Variants in PLPP3 observed in about 807,000 individuals in gnomAD.
The protein encoded by PLPP3 is PAP2 beta.
In PLPP3, 6 loss-of-function variants were observed where a neutral mutation model predicts 29.6. The observed-to-expected ratio is 0.20, with a 90% confidence interval of 0.11 to 0.40. The LOEUF is 0.40. PLPP3 is among the 10% of genes least tolerant of loss of function. The pLI, the probability that PLPP3 is intolerant of heterozygous loss-of-function variation, is 1.00. For synonymous variants in PLPP3, 152 were observed against 159.7 expected (o/e 0.95, Z 0.36); for missense variants, 308 against 407.7 (o/e 0.76, Z 2.11).
chr1:56,521,961 T>C (rs1645822558), intron 4 of PLPP3, among the ~76,000 whole-genome samples: 1 of 152,204 alleles, frequency 6.6e-6, no homozygotes, highest in Non-Finnish European at 1.5e-5. Context: ...ACAGGTCTCC[T>C]TCAGGCAAAA....
intron 1 of PLPP3, among the ~76,000 whole-genome samples, chr1:56,538,276 A>G (rs559916043): frequency 1.1e-4 from 16 of 152,268 alleles, no homozygotes; most frequent in African/African-American, 3.6e-4. Context: ...GATTCATGCT[A>G]TTCTCTTAGA....
At chr1:56,503,385 A>G (rs1409922626) in intron 5 of PLPP3, among the ~76,000 whole-genome samples, 1 of 152,082 alleles carries the variant, frequency 6.6e-6, no homozygotes, top group Non-Finnish European at 1.5e-5. Flanking sequence ...TTTGTGTGGA[A>G]ATGTTATTTT....
chr1:56,578,347 G>T (rs1222305651), intron 1 of PLPP3, among the ~76,000 whole-genome samples: 1 of 152,320 alleles, frequency 6.6e-6, no homozygotes, highest in East Asian at 1.9e-4. Context: ...GCACCTACAG[G>T]AGAGGAGCAA....
chr1:56,508,874 G>A lies in PLPP3; in HGVS notation c.810+3102C>T, dbSNP rs549378246. Among the ~76,000 whole-genome samples the A allele has an allele frequency of 6.6e-5, 10 of 152,278 alleles. No homozygotes were observed. In the East Asian group the frequency reaches 1.9e-3, roughly 29 times the overall value. On this transcript the variant is annotated intron_variant, in intron 5 of 5. Transcript: ENST00000371250. ...CCATCTCTCCTCAATCCAGGGTCCT[G>A]AGCTTTGCTTCTGTCTCCCTCACAA...
intron 1 of PLPP3, among the ~76,000 whole-genome samples, chr1:56,560,882 G>T (rs902511914): frequency 7.4e-6 from 1 of 135,534 alleles, no homozygotes; most frequent in Non-Finnish European, 1.5e-5. Flanking sequence ...CTGTCGCCCA[G>T]GCTGGAGTGC....
intron 4 of PLPP3, among the ~76,000 whole-genome samples, chr1:56,514,085 A>G (rs72664330): frequency 0.17 from 25,859 of 152,056 alleles, 3,008 homozygotes; most frequent in African/African-American, 0.32. Context: ...AAAAAAGAAA[A>G]AAGCTAGGCA....
chr1:56,519,751 T>G (rs1293814498), intron 4 of PLPP3, among the ~76,000 whole-genome samples: 2 of 152,144 alleles, frequency 1.3e-5, no homozygotes, highest in Non-Finnish European at 1.5e-5. Context: ...GGTTTGTTTT[T>G]TTTTTTTTAA....
intron 4 of PLPP3, among the ~76,000 whole-genome samples, chr1:56,522,264 A>G (rs542044997): frequency 2.5e-4 from 38 of 152,326 alleles, no homozygotes; most frequent in Non-Finnish European, 3.8e-4. Context: ...AAAGTGTGTC[A>G]GCATCTTCAC....
At chr1:56,575,235 A>G (rs1035847893) in intron 1 of PLPP3, among the ~76,000 whole-genome samples, 7 of 152,174 alleles carry the variant, frequency 4.6e-5, no homozygotes, top group Admixed American at 4.6e-4. Flanking sequence ...CATCCACACA[A>G]TGCAACTCGA....
At chr1:56,497,291 T>C (rs1203788941) in intron 5 of PLPP3, among the ~76,000 whole-genome samples, 1 of 152,214 alleles carries the variant, frequency 6.6e-6, no homozygotes, top group Non-Finnish European at 1.5e-5. Flanking sequence ...CAGCGTCCTT[T>C]TTCCTCCTGG....
intron 2 of PLPP3, among the ~76,000 whole-genome samples, chr1:56,527,319 C>T (rs1645858829): frequency 1.3e-5 from 2 of 152,146 alleles, no homozygotes; most frequent in Non-Finnish European, 2.9e-5. Flanking sequence ...TTATTTTGTA[C>T]TGTAGTTTCA....
chr1:56,496,824 T>C, intron 5 of PLPP3, 148 bp from the exon 6 acceptor site: 1 of 794,226 alleles, frequency 1.3e-6, no homozygotes, highest in Admixed American at 3.0e-5. Flanking sequence ...AGAGATCATA[T>C]CATCAAGGTT....
intron 1 of PLPP3, among the ~76,000 whole-genome samples, chr1:56,561,896 A>G (rs1435727174): frequency 6.6e-6 from 1 of 151,958 alleles, no homozygotes; most frequent in African/African-American, 2.4e-5. Flanking sequence ...TTAGCCGGGC[A>G]TGGTAGCACA....
At chr1:56,532,103 G>A (rs138504506) in intron 2 of PLPP3, among the ~76,000 whole-genome samples, 1 of 152,340 alleles carries the variant, frequency 6.6e-6, no homozygotes, top group Non-Finnish European at 1.5e-5. Flanking sequence ...GGACATGAGA[G>A]TGAGTGTGGG....
chr1:56,522,389 TC>T lies in PLPP3; in HGVS notation c.633+1433del, dbSNP rs1437598906. Among the ~76,000 whole-genome samples the T allele has an allele frequency of 9.8e-4, 150 of 152,338 alleles. 2 individuals carry two copies. The South Asian group carries it at 0.019, about 19-fold the overall frequency. ...AAAAAATGAACACATACCCAGTTCC[TC>T]TAAGCACTTTTATAAAACATCGAAA... On this transcript the variant is annotated intron_variant, in intron 4 of 5. Transcript: ENST00000371250.
At chr1:56,547,091 T>C (rs776106294) in intron 1 of PLPP3, among the ~76,000 whole-genome samples, 2 of 152,158 alleles carry the variant, frequency 1.3e-5, no homozygotes, top group African/African-American at 4.8e-5. Context: ...CTGATGAAAG[T>C]TTAGAACTGT....
At chr1:56,533,155 A>T (rs1645901825) in intron 2 of PLPP3, among the ~76,000 whole-genome samples, 1 of 151,870 alleles carries the variant, frequency 6.6e-6, no homozygotes, top group South Asian at 2.1e-4. Flanking sequence ...CCTGGATTCA[A>T]GCGATTCTCC....
chr1:56,526,986 G>T (rs778986235), intron 2 of PLPP3, among the ~76,000 whole-genome samples: 2 of 152,172 alleles, frequency 1.3e-5, no homozygotes, highest in African/African-American at 4.8e-5. Context: ...CAGTCAACAC[G>T]ATTTCCTGTT....
At chr1:56,542,747 T>G (rs1165170022) in intron 1 of PLPP3, among the ~76,000 whole-genome samples, 2 of 152,162 alleles carry the variant, frequency 1.3e-5, no homozygotes, top group African/African-American at 4.8e-5. Flanking sequence ...CAAGGCCATT[T>G]GCGGTGGCTC....
Sources: allele counts gnomAD v4.1 joint callset (sites outside exome capture counted in the v4.1 genomes callset), GRCh38; gene constraint gnomAD v4.1.1; transcripts MANE v1.5; gene names NCBI Gene and HGNC (gene_info 2026-07-23, HGNC 2026-07-21).